Variants in HRH1 observed in about 807,000 individuals in gnomAD.
The protein encoded by HRH1 is histamine receptor H1.
A neutral mutation model predicts 10.3 loss-of-function variants in HRH1; 6 were observed. The ratio of observed to expected loss-of-function variants is 0.58; its 90% CI spans 0.32 to 1.15. The LOEUF (loss-of-function observed/expected upper bound fraction) is 1.15. Among genes scored for constraint, HRH1 ranks in the 50% most tolerant of loss-of-function variants. The probability of loss-of-function intolerance (pLI) is 0.05; values close to 1 mark genes in which losing one functional copy is unlikely to be tolerated. For missense variants in HRH1, 514 were observed against 615.3 expected (o/e 0.84, Z 1.74); for synonymous variants, 242 against 236.7 (o/e 1.02, Z -0.21).
At chr3:11,149,200 A>C (rs1936541323) in intron 1 of HRH1, among the ~76,000 whole-genome samples, 1 of 152,222 alleles carries the variant, frequency 6.6e-6, no homozygotes, top group Non-Finnish European at 1.5e-5. Flanking sequence ...TATTCTTAGT[A>C]TCTATTATAT....
intron 1 of HRH1, among the ~76,000 whole-genome samples, chr3:11,207,752 A>G (rs1938189330): frequency 6.6e-6 from 1 of 152,156 alleles, no homozygotes; most frequent in African/African-American, 2.4e-5. Context: ...ATTTCAGCTC[A>G]GTCTTTGTAC....
At chr3:11,231,843 A>T (rs1939049320) in intron 1 of HRH1, among the ~76,000 whole-genome samples, 1 of 151,966 alleles carries the variant, frequency 6.6e-6, no homozygotes, top group South Asian at 2.1e-4. Flanking sequence ...GGTCCAATTC[A>T]TTGTTTTTTC....
At chr3:11,155,762 A>G (rs1403018029) in intron 1 of HRH1, among the ~76,000 whole-genome samples, 2 of 152,096 alleles carry the variant, frequency 1.3e-5, no homozygotes, top group African/African-American at 4.8e-5. Context: ...AGCATGAAGG[A>G]GAGGGGAATT....
chr3:11,246,068 TCA>T (rs1171191627), intron 1 of HRH1, among the ~76,000 whole-genome samples: 2 of 150,912 alleles, frequency 1.3e-5, no homozygotes, highest in African/African-American at 2.4e-5. Flanking sequence ...ACACAGACTC[TCA>T]CACACAATCA....
intron 1 of HRH1, among the ~76,000 whole-genome samples, chr3:11,246,068 TCACA>T (rs1171191627): frequency 6.0e-5 from 9 of 150,912 alleles, no homozygotes; most frequent in Non-Finnish European, 1.2e-4. Context: ...ACACAGACTC[TCACA>T]CACAATCACA....
chr3:11,151,376 A>G (rs1425604360), upstream of HRH1, among the ~76,000 whole-genome samples: 5 of 152,250 alleles, frequency 3.3e-5, no homozygotes. Context: ...GAGCCTCTGA[A>G]GCATCTGAAT....
At chr3:11,161,374 T>A (rs1318372461) in intron 1 of HRH1, among the ~76,000 whole-genome samples, 1 of 152,258 alleles carries the variant, frequency 6.6e-6, no homozygotes, top group East Asian at 1.9e-4. Flanking sequence ...CTTTTCTTTG[T>A]TCCTGGAGAG....
chr3:11,181,175 CAGG>C (rs1184288511), intron 1 of HRH1, among the ~76,000 whole-genome samples: 1 of 152,098 alleles, frequency 6.6e-6, no homozygotes, highest in East Asian at 1.9e-4. Flanking sequence ...CCCAGCCACT[CAGG>C]AGGCTGAGAG....
At chr3:11,242,530 G>T (rs1174239586) in intron 1 of HRH1, among the ~76,000 whole-genome samples, 1 of 143,828 alleles carries the variant, frequency 7.0e-6, no homozygotes, top group Admixed American at 7.1e-5. Flanking sequence ...TCACTGCAAA[G>T]GTCTGCGTCG....
intron 1 of HRH1, among the ~76,000 whole-genome samples, chr3:11,219,963 T>G (rs1451683848): frequency 2.0e-5 from 3 of 150,836 alleles, no homozygotes; most frequent in African/African-American, 4.9e-5. Context: ...TTTTTTTTTT[T>G]TTTTTTTACA....
rs1303880748 is a variant in HRH1, at chr3:11,139,057, G to A, written c.-36+1658G>A. On this transcript the variant is annotated intron_variant, in intron 1 of 1. Transcript: ENST00000438284. ...GGCTAGAGTGCAATGGTGCGATCTCGGCTCACTGCAGCCTCTGCCTCCCAG... is the reference window on the plus strand; with the variant it reads ...GGCTAGAGTGCAATGGTGCGATCTCAGCTCACTGCAGCCTCTGCCTCCCAG... Among the ~76,000 whole-genome samples the A allele has an allele frequency of 4.1e-5, 6 of 146,116 alleles. 1 individual carries two copies. The highest frequency in any genetic ancestry group is 4.4e-4 in the South Asian group (2 of 4,574).
chr3:11,182,996 T>C (rs1230763439), intron 1 of HRH1, among the ~76,000 whole-genome samples: 1 of 152,238 alleles, frequency 6.6e-6, no homozygotes, highest in Non-Finnish European at 1.5e-5. Flanking sequence ...ATTGTTATTA[T>C]ATCAGAAATG....
intron 1 of HRH1, among the ~76,000 whole-genome samples, chr3:11,242,219 T>C (rs559928150): frequency 6.6e-6 from 1 of 152,038 alleles, no homozygotes; most frequent in Non-Finnish European, 1.5e-5. Context: ...CGGTGGCTCA[T>C]GCCTGTAATC....
chr3:11,260,523 A>G lies in HRH1; in HGVS notation c.*22A>G. ...CTAAGGGAGGCTCTGAGGGGATGCA[A>G]CAAAATGATCCTTATGATGTCCAAC... On this transcript the variant is annotated 3_prime_UTR_variant, in exon 2 of 2. Transcript: ENST00000431010. 1 of 1,550,064 alleles carries G rather than the reference A, an allele frequency of 6.5e-7. No homozygotes were observed. Among genetic ancestry groups the G allele is most frequent in the Non-Finnish European group, 8.7e-7 (1 of 1,147,578 alleles).
At chr3:11,150,082 A>C (rs1186419696), upstream of HRH1, among the ~76,000 whole-genome samples, 1 of 152,272 alleles carries the variant, frequency 6.6e-6, no homozygotes. Flanking sequence ...TTAATAAATG[A>C]AAGTGCCTTT....
chr3:11,196,261 C>T (rs1937646633), intron 1 of HRH1, among the ~76,000 whole-genome samples: 1 of 152,360 alleles, frequency 6.6e-6, no homozygotes, highest in Non-Finnish European at 1.5e-5. Flanking sequence ...CCCGGCTCCT[C>T]AGCCGGGGCT....
chr3:11,138,189 T>TTTTTC (rs1480776587), intron 1 of HRH1, among the ~76,000 whole-genome samples: 1 of 150,096 alleles, frequency 6.7e-6, no homozygotes, highest in Non-Finnish European at 1.5e-5. Context: ...TATTTTTTTT[T>TTTTTC]TTTTTTGTAT....
intron 1 of HRH1, among the ~76,000 whole-genome samples, chr3:11,176,954 G>C (rs142181750): frequency 0.083 from 12,627 of 152,134 alleles, 649 homozygotes; most frequent in East Asian, 0.23. Flanking sequence ...TTAGTTGGGC[G>C]TGGTGGCACA....
chr3:11,257,662 G>A (rs940640900), intron 1 of HRH1, among the ~76,000 whole-genome samples: 2 of 152,040 alleles, frequency 1.3e-5, no homozygotes, highest in Admixed American at 6.6e-5. Context: ...GATACAGTCC[G>A]TTTTCAGTAG....
Sources: allele counts gnomAD v4.1 joint callset (sites outside exome capture counted in the v4.1 genomes callset), GRCh38; gene constraint gnomAD v4.1.1; transcripts MANE v1.5; gene names NCBI Gene and HGNC (gene_info 2026-07-23, HGNC 2026-07-21).